Variants in FAN1 observed in about 807,000 individuals in gnomAD.
The protein encoded by FAN1 is FANCD2 and FANCI associated nuclease 1, also known as fanconi-associated nuclease 1.
Under a neutral mutation model 104.9 loss-of-function variants are expected in FAN1, and 91 were observed. The observed-to-expected ratio is 0.87, with a 90% CI of 0.73 to 1.03. The LOEUF is 1.03. Ranked by LOEUF, FAN1 falls within the 50% of genes least tolerant of loss-of-function variation. The pLI is 0.00. For missense variants in FAN1, 1,263 were observed against 1,239.9 expected (o/e 1.02, Z -0.28); for synonymous variants, 478 against 457.6 (o/e 1.04, Z -0.57).
At position 30,910,731 on chromosome 15, in the gene FAN1, A is replaced by C; in HGVS notation, c.1493A>C (p.Asp498Ala). The C allele has an allele frequency of 6.2e-7, 1 of 1,614,132 alleles. No individual in the cohort carries two copies. Among genetic ancestry groups the C allele is most frequent in the Non-Finnish European group, 8.5e-7 (1 of 1,180,012 alleles). ...NPNGQKQQLV[D>A]AFLKLAKQRS... ...AATGGACAGAAACAGCAGCTGGTGG[A>C]CGCCTTTCTCAAATTGGCCAAACAG... Residue 498 changes from aspartate to alanine, a missense_variant, in exon 4 of 15, where the codon GAC becomes GCC. Physicochemically the swap from Asp to Ala is moderately radical, Grantham distance 126. This residue lies in a region of FAN1 where 581 missense variants were observed against 668.8 expected (regional missense o/e 0.87). Coordinates refer to ENST00000362065, the MANE Select transcript of FAN1 (RefSeq NM_014967.5).
chr15:30,912,028 C>T (rs1298367910), intron 4 of FAN1, among the ~76,000 whole-genome samples: 2 of 148,364 alleles, frequency 1.3e-5, no homozygotes, highest in African/African-American at 5.0e-5. Flanking sequence ...CGCCACTGCA[C>T]ACCAGCCTGG....
intron 14 of FAN1, chr15:30,940,011 A>G (rs1219311174): frequency 2.0e-6 from 2 of 975,772 alleles, no homozygotes; most frequent in Non-Finnish European, 2.4e-6. Context: ...AAAAAGAAAC[A>G]GCTATTCAGT....
chr15:30,931,619 T>A (rs1286498510), intron 13 of FAN1, among the ~76,000 whole-genome samples: 1 of 152,238 alleles, frequency 6.6e-6, no homozygotes, highest in Admixed American at 6.5e-5. Context: ...GGGCATGCAC[T>A]GGAATTCATT....
chr15:30,941,149 G>GTGAC (rs3840035), intron 14 of FAN1: 2 of 1,306,418 alleles, frequency 1.5e-6, no homozygotes, highest in East Asian at 5.1e-5. Context: ...GGCTGCTAAT[G>GTGAC]TGACTGACTA....
intron 3 of FAN1, 91 bp downstream of exon 3, chr15:30,908,349 C>A: frequency 9.0e-7 from 1 of 1,116,234 alleles, no homozygotes; most frequent in Non-Finnish European, 1.2e-6. Context: ...TGGTGCCCTC[C>A]CCGGGGTGGT....
chr15:30,940,361 G>A (rs1005264499), intron 14 of FAN1: 23 of 985,250 alleles, frequency 2.3e-5, no homozygotes, highest in Non-Finnish European at 2.5e-5. Context: ...GGGGGCTGGG[G>A]GAGCACTTCT....
At chr15:30,912,061 CA>C (rs34122129) in intron 4 of FAN1, among the ~76,000 whole-genome samples, 1,371 of 133,512 alleles carry the variant, frequency 0.01, 18 homozygotes, top group African/African-American at 0.029. Flanking sequence ...GACTCCATCT[CA>C]AAAAAAAAAA....
chr15:30,911,294 A>G (rs1458906908), intron 4 of FAN1: 4 of 986,120 alleles, frequency 4.1e-6, no homozygotes, highest in Non-Finnish European at 4.8e-6. Context: ...AAAATTACAA[A>G]AACTTTTAGA....
chr15:30,912,577 T>G (rs1473294409), intron 4 of FAN1, among the ~76,000 whole-genome samples: 1 of 152,138 alleles, frequency 6.6e-6, no homozygotes, highest in Non-Finnish European at 1.5e-5. Flanking sequence ...CCCTTCCCCT[T>G]CAACTCCATG....
In FAN1 at chr15:30,941,866, C is replaced by G. The variant is rs770488632; in HGVS notation, c.*304C>G. ...TTATGTGTGTTCCAGAGACACGTGG[C>G]AGAATAACACCGTGCAGGTTGGCGG... On this transcript the variant is annotated 3_prime_UTR_variant, in exon 15 of 15. Coordinates refer to ENST00000362065, the MANE Select transcript of FAN1 (RefSeq NM_014967.5). 6.8e-6 allele frequency: 11 copies of G among 1,613,922 alleles called. No homozygotes were observed. Among genetic ancestry groups the G allele is most frequent in the Non-Finnish European group, 9.3e-6 (11 of 1,179,910 alleles).
intron 5 of FAN1, among the ~76,000 whole-genome samples, chr15:30,914,942 A>G (rs544042523): frequency 3.0e-4 from 46 of 152,360 alleles, no homozygotes; most frequent in African/African-American, 9.6e-4. Context: ...TGATCCAGCA[A>G]TCCCACTACT....
intron 13 of FAN1, among the ~76,000 whole-genome samples, chr15:30,935,185 G>T (rs567575001): frequency 6.6e-6 from 1 of 152,132 alleles, no homozygotes; most frequent in Non-Finnish European, 1.5e-5. Flanking sequence ...GTGTGCACTT[G>T]TAGTCCCAGC....
chr15:30,910,014 C>T (rs528640892), intron 3 of FAN1, among the ~76,000 whole-genome samples: 2 of 152,298 alleles, frequency 1.3e-5, no homozygotes, highest in South Asian at 2.1e-4. Flanking sequence ...GTAGCATGCC[C>T]GGGGCCTTAG....
intron 5 of FAN1, among the ~76,000 whole-genome samples, chr15:30,914,431 C>T (rs1320501687): frequency 6.6e-6 from 1 of 152,184 alleles, no homozygotes; most frequent in African/African-American, 2.4e-5. Context: ...GTGGCATGAT[C>T]ACCGCTCACT....
intron 12 of FAN1, among the ~76,000 whole-genome samples, chr15:30,930,150 CCT>C (rs759972048): frequency 6.6e-6 from 1 of 151,070 alleles, no homozygotes; most frequent in African/African-American, 2.4e-5. Flanking sequence ...CTTTGCCACC[CCT>C]GAGTTGACAG....
chr15:30,915,758 A>G (rs950105392), intron 5 of FAN1, among the ~76,000 whole-genome samples: 1 of 152,230 alleles, frequency 6.6e-6, no homozygotes, highest in Non-Finnish European at 1.5e-5. Flanking sequence ...CAAACAAATA[A>G]TGGGATTACA....
Position 30,929,352 on chromosome 15 carries a change from T to G in FAN1, c.2742T>G (p.Ala914=). The G allele has an allele frequency of 6.2e-7, 1 of 1,611,766 alleles. No homozygotes were observed. The highest frequency in any genetic ancestry group is 8.5e-7 in the Non-Finnish European group (1 of 1,179,090). Residue 914 remains alanine (A), a synonymous_variant, in exon 12 of 15, where the codon GCT becomes GCG. Transcript: ENST00000362065. ...GGCATGAGCAGGAAGGCAGAGTGGC[T>G]TCCCTTGTCAGCTGGGATCGCTTCA... is the stretch of plus-strand genomic sequence containing the variant. ...ATWHEQEGRV[A]SLVSWDRFTS...
chr15:30,929,510 G>A (rs2062559477), intron 12 of FAN1, 113 bp downstream of exon 12: 1 of 563,186 alleles, frequency 1.8e-6, no homozygotes, highest in Non-Finnish European at 3.0e-6. Context: ...ATACATGTAT[G>A]TGTGTGCATA....
chr15:30,906,031 C>A (rs529578806), intron 2 of FAN1, 134 bp downstream of exon 2: 18 of 792,942 alleles, frequency 2.3e-5, no homozygotes, highest in Non-Finnish European at 3.1e-5. Context: ...TGGGAGTGTT[C>A]ATGGGAGTTG....
Sources: allele counts gnomAD v4.1 joint callset (sites outside exome capture counted in the v4.1 genomes callset), GRCh38; gene constraint gnomAD v4.1.1; regional missense constraint gnomAD v4.1.1; transcripts MANE v1.5; gene names NCBI Gene and HGNC (gene_info 2026-07-23, HGNC 2026-07-21).